NPAS3: variants seen among roughly 807,000 people sequenced by gnomAD.
The protein encoded by NPAS3 is neuronal PAS domain protein 3, also known as neuronal PAS domain-containing protein 3.
In NPAS3, 14 loss-of-function variants were observed where a neutral mutation model predicts 73.1. That is an observed-to-expected ratio of 0.19 (90% CI 0.13 to 0.30). The LOEUF is 0.30. Among genes scored for constraint, NPAS3 ranks in the 10% least tolerant of loss-of-function variants. The pLI, the probability that NPAS3 is intolerant of heterozygous loss-of-function variation, is 1.00. For synonymous variants in NPAS3, 620 were observed against 541.5 expected (o/e 1.14, Z -2.01); for missense variants, 1,096 against 1,250.0 (o/e 0.88, Z 1.86).
chr14:33,286,204 CT>C (rs2041866808), intron 3 of NPAS3, among the ~76,000 whole-genome samples: 1 of 152,170 alleles, frequency 6.6e-6, no homozygotes, highest in South Asian at 2.1e-4. Context: ...GTCCAGGGCT[CT>C]TTCTACTTCT....
At chr14:33,011,567 A>G (rs1457972263) in intron 1 of NPAS3, among the ~76,000 whole-genome samples, 7 of 151,320 alleles carry the variant, frequency 4.6e-5, no homozygotes, top group African/African-American at 1.5e-4. Flanking sequence ...TTTTTTCCTC[A>G]TCAATGTTAT....
chr14:33,482,282 A>C (rs1190902096), intron 4 of NPAS3, among the ~76,000 whole-genome samples: 1 of 152,184 alleles, frequency 6.6e-6, no homozygotes, highest in Non-Finnish European at 1.5e-5. Flanking sequence ...TCACATTCGA[A>C]CCTTTAGATA....
At chr14:33,568,564 A>G (rs1401660065) in intron 5 of NPAS3, among the ~76,000 whole-genome samples, 2 of 152,168 alleles carry the variant, frequency 1.3e-5, no homozygotes, top group Non-Finnish European at 2.9e-5. Context: ...AGTGAATGCA[A>G]ACTGCTCATA....
At chr14:33,240,904 T>G (rs1407848521) in intron 3 of NPAS3, among the ~76,000 whole-genome samples, 2 of 151,906 alleles carry the variant, frequency 1.3e-5, no homozygotes, top group East Asian at 3.9e-4. Context: ...TACTAATAAT[T>G]ACAACACTTC....
chr14:33,367,063 G>A (rs978228526), intron 3 of NPAS3, 123 bp from the exon 4 acceptor site: 18 of 478,496 alleles, frequency 3.8e-5, no homozygotes, highest in African/African-American at 3.4e-4. Flanking sequence ...ATACTGGGTG[G>A]TGGTTCAGAT....
intron 3 of NPAS3, among the ~76,000 whole-genome samples, chr14:33,352,713 T>C (rs1448779322): frequency 1.3e-5 from 2 of 152,210 alleles, no homozygotes; most frequent in African/African-American, 4.8e-5. Flanking sequence ...CTTTGATGGA[T>C]ATTGTAGAGG....
chr14:32,964,895 A>G (rs1402836516), intron 1 of NPAS3, among the ~76,000 whole-genome samples: 2 of 152,050 alleles, frequency 1.3e-5, no homozygotes, highest in Non-Finnish European at 2.9e-5. Context: ...TCTTGAGCCC[A>G]GGAGTTGGAG....
chr14:33,499,246 CT>C (rs1266204023), intron 4 of NPAS3, among the ~76,000 whole-genome samples: 2 of 151,598 alleles, frequency 1.3e-5, no homozygotes, highest in African/African-American at 4.8e-5. Flanking sequence ...TGTTGGGAAC[CT>C]TTTGGTTTAA....
At chr14:33,782,170 C>A (rs1472476075) in intron 9 of NPAS3, among the ~76,000 whole-genome samples, 1 of 152,226 alleles carries the variant, frequency 6.6e-6, no homozygotes, top group East Asian at 1.9e-4. Flanking sequence ...CAGGTCAAAT[C>A]AACATTTAAA....
chr14:33,574,502 G>A (rs1016654162), intron 5 of NPAS3, among the ~76,000 whole-genome samples: 2 of 152,112 alleles, frequency 1.3e-5, no homozygotes, highest in Non-Finnish European at 2.9e-5. Context: ...GCAGTGGCTT[G>A]CGGGGCCAGA....
intron 4 of NPAS3, among the ~76,000 whole-genome samples, chr14:33,518,754 A>T (rs1595072825): frequency 6.7e-6 from 1 of 149,240 alleles, no homozygotes; most frequent in Non-Finnish European, 1.5e-5. Flanking sequence ...ACCCTAACAG[A>T]GTTGGGGGCC....
At chr14:33,656,970 A>C (rs1262319179) in intron 5 of NPAS3, among the ~76,000 whole-genome samples, 2 of 152,202 alleles carry the variant, frequency 1.3e-5, no homozygotes, top group East Asian at 3.8e-4. Context: ...ATACGGAATC[A>C]ACCTAAGGGT....
intron 1 of NPAS3, among the ~76,000 whole-genome samples, chr14:33,002,014 A>T (rs944541066): frequency 2.6e-5 from 4 of 152,162 alleles, no homozygotes; most frequent in African/African-American, 9.7e-5. Context: ...TGGAGAATGT[A>T]TTATTTTGTA....
At chr14:33,524,880 T>C (rs2064999) in intron 4 of NPAS3, among the ~76,000 whole-genome samples, 17,945 of 152,142 alleles carry the variant, frequency 0.12, 1,808 homozygotes, top group African/African-American at 0.27. Flanking sequence ...TGTGTCCAAA[T>C]GTCTTCTTTT....
At chr14:33,303,143 CT>C (rs1185890560) in intron 3 of NPAS3, among the ~76,000 whole-genome samples, 2 of 151,678 alleles carry the variant, frequency 1.3e-5, no homozygotes, top group African/African-American at 4.8e-5. Flanking sequence ...TATTTTTTTC[CT>C]TTTTTCAGTC....
At chr14:33,560,079 G>T (rs762506139) in intron 4 of NPAS3, 42 bp from the exon 5 acceptor site, 1 of 751,620 alleles carries the variant, frequency 1.3e-6, no homozygotes, top group Non-Finnish European at 2.3e-6. Context: ...TGCATCCTTT[G>T]TATTTATTAA....
chr14:33,432,408 C>T (rs2139165324), intron 4 of NPAS3, among the ~76,000 whole-genome samples: 1 of 152,192 alleles, frequency 6.6e-6, no homozygotes, highest in East Asian at 1.9e-4. Context: ...TTTATATTTT[C>T]ATAGGACAAG....
rs138714078 is a variant in NPAS3 at position 33,659,511 on chromosome 14, G to A, written c.559-16700G>A. Among the ~76,000 whole-genome samples, 701 of 152,270 alleles carry A rather than the reference G, an allele frequency of 4.6e-3. 1 individual carries two copies. Among genetic ancestry groups the A allele is most frequent in the Middle Eastern group, 6.8e-3 (2 of 294 alleles). The stretch of plus-strand genomic sequence containing the variant: ...CCAACAAATGTACCTTGTTTGTCTG[G>A]CTATCCTGGGAAGTCCCTTTTAGCA... On this transcript the variant is annotated intron_variant, in intron 5 of 11. Coordinates refer to ENST00000356141, the Ensembl canonical transcript of NPAS3.
At chr14:33,618,456 G>A (rs2057985772) in intron 5 of NPAS3, among the ~76,000 whole-genome samples, 2 of 152,086 alleles carry the variant, frequency 1.3e-5, no homozygotes, top group African/African-American at 2.4e-5. Context: ...CCCATGCACA[G>A]TTCACAATAG....
Sources: allele counts gnomAD v4.1 joint callset (sites outside exome capture counted in the v4.1 genomes callset), GRCh38; gene constraint gnomAD v4.1.1; transcripts MANE v1.5; gene names NCBI Gene and HGNC (gene_info 2026-07-23, HGNC 2026-07-21).